CDHR2: variants seen among roughly 807,000 people sequenced by gnomAD.
CDHR2 encodes cadherin-related family member 2.
In CDHR2, 104 loss-of-function variants were observed where a neutral mutation model predicts 138.6. That is an observed-to-expected ratio of 0.75 (90% CI 0.64 to 0.88). The LOEUF (loss-of-function observed/expected upper bound fraction) is 0.88. CDHR2 is among the 40% of genes least tolerant of loss of function. The probability of loss-of-function intolerance (pLI) is 0.00; values close to 1 mark genes in which losing one functional copy is unlikely to be tolerated. For synonymous variants in CDHR2, 755 were observed against 742.8 expected (o/e 1.02, Z -0.27); for missense variants, 1,624 against 1,727.6 (o/e 0.94, Z 1.06).
At chr5:176,544,055 C>T (rs1240803375) in intron 1 of CDHR2, among the ~76,000 whole-genome samples, 1 of 152,274 alleles carries the variant, frequency 6.6e-6, no homozygotes, top group East Asian at 1.9e-4. Flanking sequence ...GGGCCGCGCT[C>T]TGGCTGGCAT....
Position 176,578,027 on chromosome 5 carries a change from C to G in CDHR2, c.1513-7C>G. ...ACACAGCACCCTGCCATGTCTCTGC[C>G]TCACAGGCCACGGACCCAGACACGG... On this transcript the variant is annotated splice_polypyrimidine_tract_variant and splice_region_variant and intron_variant, in intron 14 of 31. Coordinates refer to ENST00000261944, the MANE Select transcript of CDHR2 (RefSeq NM_017675.6). 1.4e-5 allele frequency: 23 copies of G among 1,609,368 alleles called. No homozygotes were observed. The highest frequency in any genetic ancestry group is 1.9e-5 in the Non-Finnish European group (22 of 1,176,900).
chr5:176,578,499 C>T lies in CDHR2; in HGVS notation c.1709C>T (p.Thr570Ile), dbSNP rs1290509393. The T allele has an allele frequency of 6.2e-6, 10 of 1,613,906 alleles. No homozygotes were observed. The South Asian group carries it at 8.8e-5, about 14-fold the overall frequency. ...ATDGGNLSSS[T>I]TLQIHLLDIN... Reference sequence around the variant, plus strand: ...GACGGCGGGAACCTGTCCTCCTCCACCACACTGCAGATCCACCTGCTGGAC... The same window carrying T: ...GACGGCGGGAACCTGTCCTCCTCCATCACACTGCAGATCCACCTGCTGGAC... Residue 570 changes from threonine to isoleucine, a missense_variant, in exon 16 of 32, where the codon ACC becomes ATC. This residue lies in a region of CDHR2 where 1,061 missense variants were observed against 1,136.6 expected (regional missense o/e 0.93). Coordinates refer to ENST00000261944, the MANE Select transcript of CDHR2 (RefSeq NM_017675.6).
At chr5:176,587,821 A>T (rs1358979011) in intron 21 of CDHR2, among the ~76,000 whole-genome samples, 2 of 152,104 alleles carry the variant, frequency 1.3e-5, no homozygotes, top group Non-Finnish European at 2.9e-5. Flanking sequence ...TAAAATGGGG[A>T]TAGTAATTCT....
chr5:176,580,142 G>A (rs200455148), intron 16 of CDHR2, among the ~76,000 whole-genome samples: 29 of 150,042 alleles, frequency 1.9e-4, no homozygotes, highest in East Asian at 3.9e-4. Context: ...ACTCACACAC[G>A]CACTCACACA....
chr5:176,592,798 T>C lies in CDHR2; in HGVS notation c.3792+18T>C, dbSNP rs924379581. On this transcript the variant is annotated intron_variant, in intron 31 of 31. Coordinates refer to ENST00000261944, the MANE Select transcript of CDHR2 (RefSeq NM_017675.6). ...AAATCAAGGCAAGATGGGGGATGAA[T>C]TGGTGCCTGGAGGTTCCAACTTGGG... 2 of 1,612,242 alleles carry C rather than the reference T, an allele frequency of 1.2e-6. No individual in the cohort carries two copies. Among genetic ancestry groups the C allele is most frequent in the Non-Finnish European group, 1.7e-6 (2 of 1,178,620 alleles).
At chr5:176,595,861 T>C (rs1190308589), downstream of CDHR2, 1 of 534,974 alleles carries the variant, frequency 1.9e-6, no homozygotes, top group Non-Finnish European at 3.1e-6. Flanking sequence ...AAACTGCGGC[T>C]GGAGGGGTGG....
chr5:176,557,810 C>A (rs1268939949), intron 1 of CDHR2, among the ~76,000 whole-genome samples: 1 of 151,356 alleles, frequency 6.6e-6, no homozygotes, highest in Admixed American at 6.6e-5. Flanking sequence ...CAGGTTCAAG[C>A]GATTTTCCTG....
At chr5:176,571,334 G>A (rs535345948) in intron 6 of CDHR2, 32 bp downstream of exon 6, 2 of 1,503,082 alleles carry the variant, frequency 1.3e-6, no homozygotes, top group Admixed American at 1.8e-5. Flanking sequence ...TTGTGGGGCA[G>A]GGGGCATCCC....
chr5:176,566,017 C>T (rs1417864878), intron 3 of CDHR2, among the ~76,000 whole-genome samples: 1 of 152,160 alleles, frequency 6.6e-6, no homozygotes, highest in Non-Finnish European at 1.5e-5. Context: ...CGCTTTCAGT[C>T]TCTGACTGGA....
chr5:176,542,574 C>T (rs1252591888), exon 1 of CDHR2: 1 of 152,188 alleles, frequency 6.6e-6, no homozygotes, highest in Non-Finnish European at 1.5e-5. Flanking sequence ...AGTGCGGACC[C>T]TGGAAGATCG....
intron 1 of CDHR2, among the ~76,000 whole-genome samples, chr5:176,564,865 G>A: frequency 6.6e-6 from 1 of 152,038 alleles, no homozygotes; most frequent in Non-Finnish European, 1.5e-5. Flanking sequence ...CCTCTCCAGG[G>A]TCTTGATTGT....
chr5:176,575,803 G>C lies in CDHR2; in HGVS notation c.924G>C (p.Leu308=). Residue 308 remains leucine, a synonymous_variant, in exon 11 of 32, where the codon CTG becomes CTC. Transcript: ENST00000261944. ...RVNGSLDREQ[L]LEADEEVQLQ... ...ACGGCTCCCTGGACCGTGAGCAGCT[G>C]CTGGAGGCGGATGAGGAGGTGCAGC... 6.4e-7 allele frequency: 1 copy of C among 1,555,556 alleles called. No individual in the cohort carries two copies. The highest frequency in any genetic ancestry group is 8.7e-7 in the Non-Finnish European group (1 of 1,149,064).
At chr5:176,552,005 C>T (rs952704697) in intron 1 of CDHR2, among the ~76,000 whole-genome samples, 5 of 152,162 alleles carry the variant, frequency 3.3e-5, no homozygotes, top group South Asian at 2.1e-4. Flanking sequence ...TCACCGCGCC[C>T]GGTTAATAGT....
At position 176,586,797 on chromosome 5, in the gene CDHR2, C is replaced by A. The variant is rs138749512; in HGVS notation, c.2811C>A (p.Ile937=). 3.6e-5 allele frequency: 58 copies of A among 1,607,998 alleles called. No individual in the cohort carries two copies. The African/African-American group carries it at 6.4e-4, about 18-fold the overall frequency. ...CGTTCCCGTTCACACCTGCAGTGAT[C>A]ATCCCTGAACTCGTGCTGCCCAACC... ...YFLPENKTFV[I]IPELVLPNRE... The change falls in exon 21 of 32, where the codon ATC becomes ATA. Residue 937 remains isoleucine, a synonymous_variant. Coordinates refer to ENST00000261944, the MANE Select transcript of CDHR2 (RefSeq NM_017675.6).
At chr5:176,578,143 G>T in intron 15 of CDHR2, 48 bp downstream of exon 15, 2 of 1,536,738 alleles carry the variant, frequency 1.3e-6, no homozygotes, top group South Asian at 1.2e-5. Context: ...CAGGGCCCAG[G>T]CCCACCTCTC....
intron 24 of CDHR2, 99 bp downstream of exon 24, chr5:176,589,715 T>C: frequency 9.7e-7 from 1 of 1,028,392 alleles, no homozygotes; most frequent in East Asian, 2.5e-5. Flanking sequence ...ATCCTGTTCC[T>C]GACCCACATT....
chr5:176,575,405 T>G lies in CDHR2; in HGVS notation c.747T>G (p.Ser249=). 6.2e-7 allele frequency: 1 copy of G among 1,614,220 alleles called. No individual in the cohort carries two copies. Among genetic ancestry groups the G allele is most frequent in the Non-Finnish European group, 8.5e-7 (1 of 1,180,026 alleles). ...PQFVREFYSA[S]VAEDAAKGTS... The stretch of plus-strand genomic sequence containing the variant: ...TTGTCAGGGAGTTTTACTCGGCCTC[T>G]GTGGCTGAGGATGCAGCCAAGGTGC... The change falls in exon 9 of 32, where the codon TCT becomes TCG. Residue 249 remains serine (S), a synonymous_variant. Coordinates refer to ENST00000261944, the MANE Select transcript of CDHR2 (RefSeq NM_017675.6).
Position 176,585,016 on chromosome 5 carries a change from G to C in CDHR2, c.2734+1G>C, listed in dbSNP as rs1222070529. ...GGCTTCCAGGCCTACAGCAACAATG[G>C]TAAGGCAGCCTGTCCTTGCAGGGCT... On this transcript the variant is annotated splice_donor_variant, in intron 19 of 31. Transcript: ENST00000261944. LOFTEE classifies it high-confidence loss of function. 1 of 1,541,506 alleles carries C rather than the reference G, an allele frequency of 6.5e-7. No individual in the cohort carries two copies. The highest frequency in any genetic ancestry group is 8.8e-7 in the Non-Finnish European group (1 of 1,139,506).
Position 176,595,648 on chromosome 5 carries a change from T to C in CDHR2, c.3909T>C (p.Ala1303=), listed in dbSNP as rs762150531. Residue 1303 remains alanine (A), a synonymous_variant, in exon 32 of 32, where the codon GCT becomes GCC. Transcript: ENST00000261944. ...TGGAGGGGCCATCCTACACCAACGC[T>C]GGCCTGGACACCACGGACCTGTGAC... The part of the protein sequence containing the change: ...GQLEGPSYTN[A]GLDTTDL The C allele has an allele frequency of 1.9e-6, 3 of 1,606,892 alleles. No individual in the cohort carries two copies. The African/African-American group carries it at 4.0e-5, about 22-fold the overall frequency.
Sources: gnomAD v4.1 joint callset for allele counts (sites outside exome capture counted in the v4.1 genomes callset) on GRCh38, gnomAD v4.1.1 for gene constraint, gnomAD v4.1.1 regional missense constraint, MANE v1.5 for transcripts, NCBI Gene and HGNC (gene_info 2026-07-23, HGNC 2026-07-21) for gene names.